The following ANKRD44 variants were observed in gnomAD, a reference collection of about 807,000 sequenced individuals.
ANKRD44 encodes serine/threonine-protein phosphatase 6 regulatory ankyrin repeat subunit B.
In ANKRD44, 35 loss-of-function variants were observed where a neutral mutation model predicts 116.0. The observed-to-expected ratio is 0.30, with a 90% CI of 0.23 to 0.40. The LOEUF (loss-of-function observed/expected upper bound fraction) is 0.40. ANKRD44 is among the 10% of genes least tolerant of loss of function. The pLI is 1.00. For synonymous variants in ANKRD44, 435 were observed against 461.8 expected (o/e 0.94, Z 0.74); for missense variants, 1,014 against 1,242.6 (o/e 0.82, Z 2.77).
intron 1 of ANKRD44, among the ~76,000 whole-genome samples, chr2:197,253,990 T>A (rs2082380443): frequency 6.6e-6 from 1 of 152,210 alleles, no homozygotes. Flanking sequence ...CCACCCACAA[T>A]GGGAGTATTC....
intron 1 of ANKRD44, among the ~76,000 whole-genome samples, chr2:197,208,429 C>G (rs548934557): frequency 6.6e-6 from 1 of 152,182 alleles, no homozygotes; most frequent in Non-Finnish European, 1.5e-5. Context: ...CCAGGTGGTT[C>G]AGTTCCCAGT....
chr2:197,250,854 C>G (rs1444578013), intron 1 of ANKRD44: 1 of 152,156 alleles, frequency 6.6e-6, no homozygotes, highest in African/African-American at 2.4e-5. Context: ...GCAGAAAAGA[C>G]AGGTGACAAA....
intron 21 of ANKRD44, among the ~76,000 whole-genome samples, chr2:196,972,897 C>A (rs1024633015): frequency 2.0e-5 from 3 of 152,170 alleles, no homozygotes; most frequent in Non-Finnish European, 4.4e-5. Flanking sequence ...TTATCATTCA[C>A]ATTTAGCATC....
rs59690082 is a variant in ANKRD44, at chr2:197,078,969, TTG to T, written c.1539-157_1539-156del. 3.0e-3 allele frequency among the ~76,000 whole-genome samples: 442 copies of T among 147,178 alleles called. 1 individual carries two copies. Among genetic ancestry groups the T allele is most frequent in the Middle Eastern group, 0.01 (3 of 290 alleles). On this transcript the variant is annotated intron_variant, in intron 15 of 27. Coordinates refer to ENST00000282272, the MANE Select transcript of ANKRD44 (RefSeq NM_001195144.2). Reference sequence around the variant, plus strand: ...GCAATGAAGTTTTATGTGTTGAAAATTGTGTGTGTGTGTGTGTGTGTGTGTGT... The same window carrying T: ...GCAATGAAGTTTTATGTGTTGAAAATTGTGTGTGTGTGTGTGTGTGTGTGT...
rs187094331 is a variant in ANKRD44, at chr2:197,217,155, A to G, written c.28-30049T>C. Among the ~76,000 whole-genome samples the G allele has an allele frequency of 1.9e-3, 283 of 152,312 alleles. 2 individuals are homozygous for G. Among genetic ancestry groups the G allele is most frequent in the African/African-American group, 6.2e-3 (256 of 41,558 alleles). On this transcript the variant is annotated intron_variant, in intron 1 of 27. Transcript: ENST00000282272. ...CTTTCCACTTTTTTTTCATGGTCCA[A>G]TGATCTCTCACATTACTAGGTTATC...
chr2:197,048,153 TTG>T (rs1468771688), intron 16 of ANKRD44, among the ~76,000 whole-genome samples: 2 of 152,166 alleles, frequency 1.3e-5, no homozygotes, highest in African/African-American at 2.4e-5. Context: ...TATTTTTACA[TTG>T]TGTTTTTCTA....
At chr2:196,989,757 T>A in intron 27 of ANKRD44, 108 bp from the exon 28 acceptor site, 1 of 1,501,350 alleles carries the variant, frequency 6.7e-7, no homozygotes, top group South Asian at 1.3e-5. Flanking sequence ...CTGCTTTCAC[T>A]TTTTTTGTTC....
At chr2:196,995,716 A>G (rs1255839736) in intron 25 of ANKRD44, among the ~76,000 whole-genome samples, 1 of 152,216 alleles carries the variant, frequency 6.6e-6, no homozygotes, top group Non-Finnish European at 1.5e-5. Flanking sequence ...GATAAATTTT[A>G]AAATTAATCC....
intron 1 of ANKRD44, among the ~76,000 whole-genome samples, chr2:197,274,519 T>C (rs1453796278): frequency 2.6e-5 from 4 of 152,130 alleles, no homozygotes; most frequent in Non-Finnish European, 5.9e-5. Flanking sequence ...GGTAAGGATA[T>C]AAAGGCCCAC....
At position 196,988,071 on chromosome 2, in the gene ANKRD44, G is replaced by A. The variant is rs1348853317; in HGVS notation, c.*1520C>T. 3.0e-6 allele frequency: 3 copies of A among 985,294 alleles called. No individual in the cohort carries two copies. Among genetic ancestry groups the A allele is most frequent in the Non-Finnish European group, 3.6e-6 (3 of 829,940 alleles). The allele number at this position is 985,294 out of a possible 1,614,324, so 61.0% of individuals were successfully genotyped here. ...CTTTGTCCTCCTTCTATGAGTAAGA[G>A]AGTGGGAAAAGTCAAAACGCAGCTC... On this transcript the variant is annotated 3_prime_UTR_variant, in exon 28 of 28. Transcript: ENST00000282272.
intron 1 of ANKRD44, among the ~76,000 whole-genome samples, chr2:197,240,950 CAA>C (rs1240573535): frequency 6.6e-6 from 1 of 151,808 alleles, no homozygotes; most frequent in African/African-American, 2.4e-5. Context: ...CCACAGCTGG[CAA>C]AGTCTCAGAA....
At chr2:197,283,720 T>C (rs2083328931) in intron 1 of ANKRD44, among the ~76,000 whole-genome samples, 1 of 152,218 alleles carries the variant, frequency 6.6e-6, no homozygotes, top group Non-Finnish European at 1.5e-5. Context: ...GGAATCCCTT[T>C]TACCAAAGTG....
chr2:197,227,200 T>C (rs1191557515), intron 1 of ANKRD44, among the ~76,000 whole-genome samples: 1 of 152,248 alleles, frequency 6.6e-6, no homozygotes, highest in Non-Finnish European at 1.5e-5. Flanking sequence ...CTTCATTCGG[T>C]GGTAAACTGA....
intron 16 of ANKRD44, among the ~76,000 whole-genome samples, chr2:197,040,224 C>T (rs549704159): frequency 2.6e-4 from 39 of 149,524 alleles, no homozygotes; most frequent in African/African-American, 4.4e-4. Context: ...GGCAACAGAG[C>T]GAGGCGAGAC....
intron 16 of ANKRD44, among the ~76,000 whole-genome samples, chr2:197,045,929 C>T (rs1040732293): frequency 1.3e-5 from 2 of 152,052 alleles, no homozygotes; most frequent in Non-Finnish European, 2.9e-5. Flanking sequence ...AATAACATGG[C>T]CCATAACCCA....
chr2:197,052,657 C>T (rs544143214), intron 16 of ANKRD44, among the ~76,000 whole-genome samples: 28 of 152,080 alleles, frequency 1.8e-4, no homozygotes, highest in African/African-American at 4.8e-4. Context: ...CCAAATAATA[C>T]GGGAAGTAAA....
intron 1 of ANKRD44, among the ~76,000 whole-genome samples, chr2:197,188,016 G>T (rs904728497): frequency 2.0e-5 from 3 of 151,632 alleles, no homozygotes; most frequent in Non-Finnish European, 4.4e-5. Flanking sequence ...ACACTTTTGT[G>T]TCGGTATTTG....
At chr2:197,091,915 G>C (rs188712929) in intron 10 of ANKRD44, among the ~76,000 whole-genome samples, 1 of 152,212 alleles carries the variant, frequency 6.6e-6, no homozygotes, top group Admixed American at 6.5e-5. Context: ...CATAAATCTA[G>C]TAGTATTTAA....
chr2:197,289,635 T>C (rs2083504888), intron 1 of ANKRD44, among the ~76,000 whole-genome samples: 1 of 152,208 alleles, frequency 6.6e-6, no homozygotes, highest in Non-Finnish European at 1.5e-5. Flanking sequence ...GGACAAACTG[T>C]ATGATTCCAT....
Sources: gnomAD v4.1 joint callset for allele counts (sites outside exome capture counted in the v4.1 genomes callset) on GRCh38, gnomAD v4.1.1 for gene constraint, MANE v1.5 for transcripts, NCBI Gene and HGNC (gene_info 2026-07-23, HGNC 2026-07-21) for gene names.